WSCD2: variants seen among roughly 807,000 people sequenced by gnomAD.
The protein encoded by WSCD2 is WSC domain sialate O sulfotransferase 2.
In WSCD2, 28 loss-of-function variants were observed where a neutral mutation model predicts 55.7. That is an observed-to-expected ratio of 0.50 (90% CI 0.37 to 0.69). WSCD2 has a LOEUF of 0.69. Among genes scored for constraint, WSCD2 ranks in the 30% least tolerant of loss-of-function variants. The pLI, the probability that WSCD2 is intolerant of heterozygous loss-of-function variation, is 0.00. For missense variants in WSCD2, 616 were observed against 762.1 expected (o/e 0.81, Z 2.26); for synonymous variants, 301 against 301.9 (o/e 1.00, Z 0.03).
At chr12:108,241,667 T>C (rs1428211620) in intron 8 of WSCD2, among the ~76,000 whole-genome samples, 1 of 152,252 alleles carries the variant, frequency 6.6e-6, no homozygotes. Context: ...AGGTATTCTT[T>C]ACTTAAGGTT....
At chr12:108,176,980 G>C (rs1592939146) in intron 1 of WSCD2, among the ~76,000 whole-genome samples, 1 of 152,270 alleles carries the variant, frequency 6.6e-6, no homozygotes, top group Middle Eastern at 3.4e-3. Context: ...ACAGGTTGTT[G>C]AGTTCTGTGG....
At chr12:108,151,554 G>C (rs1455612365) in intron 1 of WSCD2, among the ~76,000 whole-genome samples, 1 of 152,150 alleles carries the variant, frequency 6.6e-6, no homozygotes, top group African/African-American at 2.4e-5. Flanking sequence ...TTATGTATTT[G>C]GGGAAATTGA....
rs867187747 is a variant in WSCD2, at chr12:108,186,506, C to T, written c.-551-8776C>T. ...ACTGTCCTAAAAATCCTATACTCTACCTACTCACCCTCCCTCTAGCCCTCA... is the reference window on the plus strand; with the variant it reads ...ACTGTCCTAAAAATCCTATACTCTATCTACTCACCCTCCCTCTAGCCCTCA... On this transcript the variant is annotated intron_variant, in intron 1 of 8. Transcript: ENST00000547525. Among the ~76,000 whole-genome samples, 60 of 152,358 alleles carry T rather than the reference C, an allele frequency of 3.9e-4. No individual in the cohort carries two copies. In the Middle Eastern group the frequency reaches 0.01, roughly 26 times the overall value.
chr12:108,170,208 T>C (rs1880094177), intron 1 of WSCD2, among the ~76,000 whole-genome samples: 1 of 152,166 alleles, frequency 6.6e-6, no homozygotes, highest in Non-Finnish European at 1.5e-5. Context: ...TTTTTTCTGT[T>C]ATGGGTTAGT....
intron 6 of WSCD2, among the ~76,000 whole-genome samples, chr12:108,228,900 A>G (rs367772131): frequency 2.7e-3 from 404 of 152,196 alleles, no homozygotes; most frequent in African/African-American, 9.3e-3. Flanking sequence ...GCTTTCGGGG[A>G]AGTGCTGGTT....
At chr12:108,164,160 T>TTTTTTTTTTTTTTTTTTTG (rs1412057706) in intron 1 of WSCD2, among the ~76,000 whole-genome samples, 1 of 145,968 alleles carries the variant, frequency 6.9e-6, no homozygotes, top group Non-Finnish European at 1.5e-5. Flanking sequence ...TTTTTTTTTT[T>TTTTTTTTTTTTTTTTTTTG]TTCAGAGAGG....
intron 3 of WSCD2, among the ~76,000 whole-genome samples, chr12:108,208,719 A>C (rs1054942518): frequency 6.6e-6 from 1 of 152,080 alleles, no homozygotes; most frequent in Non-Finnish European, 1.5e-5. Flanking sequence ...AAGCTAACTA[A>C]AGCATCCAGA....
At chr12:108,146,983 A>G (rs1877460512) in intron 1 of WSCD2, among the ~76,000 whole-genome samples, 1 of 152,350 alleles carries the variant, frequency 6.6e-6, no homozygotes, top group East Asian at 1.9e-4. Context: ...AACAGATAGT[A>G]ATTGAGCTTA....
Position 108,249,005 on chromosome 12 carries a change from C to T in WSCD2, c.*662C>T. On this transcript the variant is annotated 3_prime_UTR_variant, in exon 9 of 9. Coordinates refer to ENST00000547525, the MANE Select transcript of WSCD2 (RefSeq NM_014653.4). The stretch of plus-strand genomic sequence containing the variant: ...GAGCCCCCCAGGCCACACTGCTTCT[C>T]AGAAATGAGCTGCTTGCCTTTCCAC... The T allele has an allele frequency of 2.6e-6, 2 of 776,504 alleles. No individual in the cohort carries two copies. The highest frequency in any genetic ancestry group is 3.1e-6 in the Non-Finnish European group (2 of 638,868). The allele number at this position is 776,504 out of a possible 1,614,324, so 48.1% of individuals were successfully genotyped here.
chr12:108,201,912 C>T (rs907523474), intron 2 of WSCD2, among the ~76,000 whole-genome samples: 6 of 152,050 alleles, frequency 3.9e-5, no homozygotes, highest in African/African-American at 1.4e-4. Flanking sequence ...GATAAATAGC[C>T]CAGCTGGGGT....
At chr12:108,197,274 A>T (rs1203805272) in intron 2 of WSCD2, 1 of 152,238 alleles carries the variant, frequency 6.6e-6, no homozygotes, top group African/African-American at 2.4e-5. Context: ...AATGGAGGGA[A>T]TTCATCTTGG....
intron 1 of WSCD2, among the ~76,000 whole-genome samples, chr12:108,190,533 G>A (rs1883031744): frequency 6.6e-6 from 1 of 152,102 alleles, no homozygotes; most frequent in Non-Finnish European, 1.5e-5. Flanking sequence ...GAAGGGGGAG[G>A]CATAATTTTA....
At chr12:108,246,493 C>A (rs942467662) in intron 8 of WSCD2, among the ~76,000 whole-genome samples, 1 of 152,318 alleles carries the variant, frequency 6.6e-6, no homozygotes. Flanking sequence ...TGTGATTCCT[C>A]TTCTCTGTTC....
At chr12:108,218,638 A>G (rs1002236274) in intron 4 of WSCD2, among the ~76,000 whole-genome samples, 8 of 152,160 alleles carry the variant, frequency 5.3e-5, no homozygotes, top group Admixed American at 5.2e-4. Context: ...AGTGCCTTCA[A>G]TTATTTGGGG....
chr12:108,176,994 T>C (rs891608503), intron 1 of WSCD2, among the ~76,000 whole-genome samples: 1 of 152,152 alleles, frequency 6.6e-6, no homozygotes, highest in African/African-American at 2.4e-5. Flanking sequence ...TCTGTGGTCC[T>C]GGTGCTGCTC....
intron 1 of WSCD2, among the ~76,000 whole-genome samples, chr12:108,169,493 A>C (rs1880009221): frequency 6.6e-6 from 1 of 152,116 alleles, no homozygotes; most frequent in South Asian, 2.1e-4. Context: ...TCAAGTTTGA[A>C]AGGTCAGTGT....
In WSCD2 at chr12:108,194,487, C is replaced by T. The variant is rs531889468; in HGVS notation, c.-551-795C>T. ...GGACTGTCCTGGGTCCAGATCCCAG[C>T]TCCATCACTCACCAGCTGTGTGACC... On this transcript the variant is annotated intron_variant, in intron 1 of 8. Transcript: ENST00000547525. Among the ~76,000 whole-genome samples, 24 of 152,308 alleles carry T rather than the reference C, an allele frequency of 1.6e-4. 1 individual carries two copies. In the South Asian group the frequency reaches 4.8e-3, roughly 30 times the overall value.
chr12:108,195,682 T>C lies in WSCD2; in HGVS notation c.-151T>C. 1 of 1,129,634 alleles carries C rather than the reference T, an allele frequency of 8.9e-7. No homozygotes were observed. The highest frequency in any genetic ancestry group is 1.2e-6 in the Non-Finnish European group (1 of 815,772). 70.0% of individuals were successfully genotyped at this position (1,129,634 alleles called of 1,614,324 possible). A position where few individuals can be genotyped will look rare whatever the true frequency, so the allele number is the denominator to read the frequency against. ...CCAAGCATTGAACTTGCCCTCCCCTTCTGGCCTTGGTGATCACTTTTTCAG... is the reference window on the plus strand; with the variant it reads ...CCAAGCATTGAACTTGCCCTCCCCTCCTGGCCTTGGTGATCACTTTTTCAG... On this transcript the variant is annotated 5_prime_UTR_variant, in exon 2 of 9. Transcript: ENST00000547525.
At chr12:108,208,221 G>C (rs1336833902) in intron 3 of WSCD2, among the ~76,000 whole-genome samples, 1 of 152,198 alleles carries the variant, frequency 6.6e-6, no homozygotes, top group African/African-American at 2.4e-5. Context: ...ATGAACAATA[G>C]GCTTGGGCAA....
Sources: gnomAD v4.1 joint callset for allele counts (sites outside exome capture counted in the v4.1 genomes callset) on GRCh38, gnomAD v4.1.1 for gene constraint, MANE v1.5 for transcripts, NCBI Gene and HGNC (gene_info 2026-07-23, HGNC 2026-07-21) for gene names.